The following KCNT2 variants were observed in gnomAD, a reference collection of about 807,000 sequenced individuals.
KCNT2 encodes the protein potassium sodium-activated channel subfamily T member 2.
A neutral mutation model predicts 153.8 loss-of-function variants in KCNT2; 67 were observed. The ratio of observed to expected loss-of-function variants is 0.44; its 90% CI spans 0.36 to 0.53. KCNT2 has a LOEUF of 0.53. Ranked by LOEUF, KCNT2 falls within the 20% of genes least tolerant of loss-of-function variation. KCNT2 has a pLI of 0.00. For synonymous variants in KCNT2, 500 were observed against 458.8 expected (o/e 1.09, Z -1.15); for missense variants, 975 against 1,354.8 (o/e 0.72, Z 4.40).
intron 13 of KCNT2, among the ~76,000 whole-genome samples, chr1:196,387,581 A>T (rs910520363): frequency 6.6e-6 from 1 of 151,964 alleles, no homozygotes; most frequent in Non-Finnish European, 1.5e-5. Context: ...CTTCAGTCAC[A>T]TGATACTAAG....
intron 14 of KCNT2, among the ~76,000 whole-genome samples, chr1:196,347,849 C>A (rs1666272406): frequency 6.6e-6 from 1 of 152,132 alleles, no homozygotes; most frequent in African/African-American, 2.4e-5. Flanking sequence ...ATTCTTGACC[C>A]TCAGCTTAAT....
chr1:196,285,291 A>G (rs1659550669), intron 23 of KCNT2, among the ~76,000 whole-genome samples: 1 of 152,180 alleles, frequency 6.6e-6, no homozygotes, highest in African/African-American at 2.4e-5. Flanking sequence ...AAAAATGTAT[A>G]CTATAAGGAA....
In KCNT2 at chr1:196,412,322, G is replaced by A. The variant is rs61820911; in HGVS notation, c.1185+10728C>T. 3.1e-3 allele frequency among the ~76,000 whole-genome samples: 466 copies of A among 151,724 alleles called. 1 individual carries two copies. The highest frequency in any genetic ancestry group is 5.8e-3 in the Non-Finnish European group (390 of 67,738). On this transcript the variant is annotated intron_variant, in intron 12 of 27. Coordinates refer to ENST00000294725, the MANE Select transcript of KCNT2 (RefSeq NM_198503.5). The stretch of plus-strand genomic sequence containing the variant: ...AGATAAGCTCCATGAGAATGGAAAT[G>A]TTTTACTGTTTTGTTAATAACTGTG...
intron 14 of KCNT2, among the ~76,000 whole-genome samples, chr1:196,361,116 T>A (rs1667582394): frequency 6.6e-6 from 1 of 151,992 alleles, no homozygotes; most frequent in African/African-American, 2.4e-5. Flanking sequence ...ATGGAGCGGA[T>A]ATGCAGGGGC....
intron 1 of KCNT2, among the ~76,000 whole-genome samples, chr1:196,521,813 A>G (rs1477430601): frequency 1.3e-5 from 2 of 152,138 alleles, no homozygotes; most frequent in South Asian, 2.1e-4. Flanking sequence ...GGTTGGGAGG[A>G]GGGAGAGGAT....
chr1:196,365,646 C>T (rs979433990), intron 14 of KCNT2, among the ~76,000 whole-genome samples: 1 of 152,108 alleles, frequency 6.6e-6, no homozygotes, highest in Non-Finnish European at 1.5e-5. Flanking sequence ...CATTTATTCT[C>T]TTATAGTCAT....
chr1:196,333,733 G>A (rs1572072398), intron 17 of KCNT2, 114 bp downstream of exon 17: 1 of 673,270 alleles, frequency 1.5e-6, no homozygotes, highest in Non-Finnish European at 2.6e-6. Context: ...ATTCTAGGAT[G>A]TTCAGAAGGA....
chr1:196,517,418 C>G (rs999939129), intron 1 of KCNT2, among the ~76,000 whole-genome samples: 1 of 152,192 alleles, frequency 6.6e-6, no homozygotes, highest in South Asian at 2.1e-4. Context: ...TCTTAACCAG[C>G]CTTAATTGGT....
At chr1:196,366,399 T>A (rs1441205734) in intron 14 of KCNT2, among the ~76,000 whole-genome samples, 1 of 152,100 alleles carries the variant, frequency 6.6e-6, no homozygotes, top group Non-Finnish European at 1.5e-5. Flanking sequence ...ACCCACATGA[T>A]CTGCCTGCCT....
chr1:196,571,287 T>C (rs1572862811), intron 1 of KCNT2, among the ~76,000 whole-genome samples: 2 of 152,198 alleles, frequency 1.3e-5, no homozygotes, highest in East Asian at 3.9e-4. Flanking sequence ...TTGGAAGAAT[T>C]TAGGCAGCAT....
chr1:196,374,334 C>T lies in KCNT2; in HGVS notation c.1295-1086G>A, dbSNP rs529519930. On this transcript the variant is annotated intron_variant, in intron 13 of 27. Transcript: ENST00000294725. ...TACATGGGAAATGGTTTAGCAAATG[C>T]TCTGGACAAACATTGACTTTCGTTC... Among the ~76,000 whole-genome samples the T allele has an allele frequency of 3.3e-5, 5 of 151,896 alleles. No homozygotes were observed. The East Asian group carries it at 5.8e-4, about 18-fold the overall frequency.
intron 26 of KCNT2, among the ~76,000 whole-genome samples, chr1:196,256,190 A>G (rs1330842019): frequency 1.3e-5 from 2 of 151,962 alleles, no homozygotes; most frequent in Admixed American, 1.3e-4. Flanking sequence ...TCTATAGTCA[A>G]GCATCAGATT....
intron 1 of KCNT2, among the ~76,000 whole-genome samples, chr1:196,602,748 A>G (rs1483149813): frequency 6.7e-6 from 1 of 149,510 alleles, no homozygotes; most frequent in Non-Finnish European, 1.5e-5. Context: ...TTTATGTATT[A>G]CACTATATAT....
rs1200692538 is a variant in KCNT2 at position 196,225,829 on chromosome 1, A to G, written c.*2395T>C. 1 of 152,202 alleles carries G rather than the reference A, an allele frequency of 6.6e-6. No homozygotes were observed. Among genetic ancestry groups the G allele is most frequent in the African/African-American group, 2.4e-5 (1 of 41,472 alleles). The allele number at this position is 152,202 out of a possible 1,614,324, so 9.4% of individuals were successfully genotyped here. A position where few individuals can be genotyped will look rare whatever the true frequency, so the allele number is the denominator to read the frequency against. On this transcript the variant is annotated 3_prime_UTR_variant, in exon 28 of 28. Coordinates refer to ENST00000294725, the MANE Select transcript of KCNT2 (RefSeq NM_198503.5). The stretch of plus-strand genomic sequence containing the variant: ...TATTTATTTTAAAGCAGTTCAATGT[A>G]ACTGGTAGCAAAATGGTACAGACAA...
intron 3 of KCNT2, among the ~76,000 whole-genome samples, chr1:196,482,745 A>G (rs2148707697): frequency 6.6e-6 from 1 of 152,242 alleles, no homozygotes; most frequent in African/African-American, 2.4e-5. Context: ...GGACATATAT[A>G]TGTCCTGTAT....
intron 1 of KCNT2, among the ~76,000 whole-genome samples, chr1:196,522,929 A>C (rs780433998): frequency 7.9e-5 from 12 of 152,240 alleles, no homozygotes; most frequent in Non-Finnish European, 1.8e-4. Context: ...GTGGGCAGGG[A>C]CAAATAAAGG....
intron 22 of KCNT2, among the ~76,000 whole-genome samples, 182 bp downstream of exon 22, chr1:196,305,052 T>A (rs1334497996): frequency 6.6e-6 from 1 of 152,168 alleles, no homozygotes; most frequent in Non-Finnish European, 1.5e-5. Flanking sequence ...GTGATATAAA[T>A]CGTTCAAATC....
At chr1:196,448,537 T>C (rs1005541404) in intron 8 of KCNT2, among the ~76,000 whole-genome samples, 1 of 151,638 alleles carries the variant, frequency 6.6e-6, no homozygotes, top group South Asian at 2.1e-4. Context: ...TGCCCTCTAC[T>C]GTGTGGCCTG....
rs545154441 is a variant in KCNT2, at chr1:196,550,644, A to G, written c.95+57571T>C. ...CAAATGGCTTAAAAATAAGCACAGGACCACTTGCAGAGGTTCTAAAATAAA... is the reference window on the plus strand; with the variant it reads ...CAAATGGCTTAAAAATAAGCACAGGGCCACTTGCAGAGGTTCTAAAATAAA... On this transcript the variant is annotated intron_variant, in intron 1 of 27. Transcript: ENST00000294725. Among the ~76,000 whole-genome samples, 8 of 151,900 alleles carry G rather than the reference A, an allele frequency of 5.3e-5. No individual in the cohort carries two copies. In the South Asian group the frequency reaches 1.7e-3, roughly 32 times the overall value.
Sources: allele counts gnomAD v4.1 joint callset (sites outside exome capture counted in the v4.1 genomes callset), GRCh38; gene constraint gnomAD v4.1.1; transcripts MANE v1.5; gene names NCBI Gene and HGNC (gene_info 2026-07-23, HGNC 2026-07-21).